The following MLXIPL variants were observed in gnomAD, a reference collection of about 807,000 sequenced individuals.
MLXIPL encodes the protein MLX interacting protein like.
A neutral mutation model predicts 81.5 loss-of-function variants in MLXIPL; 49 were observed. The ratio of observed to expected loss-of-function variants is 0.60; its 90% CI spans 0.48 to 0.76. MLXIPL has a LOEUF of 0.76. Ranked by LOEUF, MLXIPL falls within the 30% of genes least tolerant of loss-of-function variation. MLXIPL has a pLI of 0.00. For synonymous variants in MLXIPL, 466 were observed against 485.5 expected, an observed-to-expected ratio of 0.96 and a Z score of 0.53; for missense variants, 1,053 against 1,167.0, an observed-to-expected ratio of 0.90 and a Z score of 1.42.
At chr7:73,642,777 T>C in the MLXIPL span, among the ~76,000 whole-genome samples, 5 of 152,236 alleles carry the variant, frequency 3.3e-5, no homozygotes, top group African/African-American at 1.2e-4. Flanking sequence ...ATTATAGGCG[T>C]GAGCCACCTT....
At position 73,607,658 on chromosome 7, in the gene MLXIPL, T is replaced by C. The variant is rs1038903843; in HGVS notation, c.415A>G (p.Lys139Glu). ...GTCACGAAGCCACACACGGGGCTCT[T>C]CCTCCGCTTCACATCTGAGAGAAGG... is the stretch of plus-strand genomic sequence containing the variant. ...AWYIQYVKRR[K>E]SPVCGFVTPL... The change falls in exon 3 of 17, where the codon AAG (lysine) becomes GAG (glutamate). Residue 139 changes from lysine to glutamate, a missense_variant. Physicochemically the swap from Lys to Glu is moderately conservative, Grantham distance 56. Transcript: ENST00000313375. 25 of 1,613,100 alleles carry C rather than the reference T, an allele frequency of 1.5e-5. 1 individual carries two copies. The highest frequency in any genetic ancestry group is 1.2e-4 in the Admixed American group (7 of 59,970).
intron 4 of MLXIPL, 142 bp from the exon 5 acceptor site, chr7:73,607,160 T>C: frequency 1.6e-6 from 2 of 1,282,152 alleles, no homozygotes; most frequent in South Asian, 1.3e-5. Context: ...AGGAGGCCGC[T>C]AGGAGACGCT....
upstream of MLXIPL, among the ~76,000 whole-genome samples, chr7:73,626,600 G>C (rs1796760466): frequency 1.3e-5 from 2 of 152,240 alleles, no homozygotes; most frequent in South Asian, 4.1e-4. Flanking sequence ...AAACCAGACT[G>C]AGGCATTCAC....
At chr7:73,595,164 C>G (rs1794172809) in intron 15 of MLXIPL, among the ~76,000 whole-genome samples, 1 of 152,070 alleles carries the variant, frequency 6.6e-6, no homozygotes, top group Non-Finnish European at 1.5e-5. Context: ...CTACTTCTGT[C>G]CTGCCAAGAC....
the MLXIPL span, among the ~76,000 whole-genome samples, chr7:73,636,303 A>G: frequency 6.6e-6 from 1 of 151,848 alleles, no homozygotes; most frequent in Non-Finnish European, 1.5e-5. Context: ...CCACCTACTC[A>G]GGAGGCTGAG....
the MLXIPL span, among the ~76,000 whole-genome samples, chr7:73,644,776 C>T: frequency 2.0e-5 from 3 of 152,156 alleles, no homozygotes; most frequent in Admixed American, 6.5e-5. Context: ...GGATGGAAAA[C>T]GCTTCTCAGA....
At position 73,599,703 on chromosome 7, in the gene MLXIPL, T is replaced by A. The variant is rs1794633184; in HGVS notation, c.902-8A>T. ...GGGAGTTGGTAAAGAAATCTGTAAT[T>A]CAGACACACAGGGCAACAGCAGTTA... On this transcript the variant is annotated splice_polypyrimidine_tract_variant and splice_region_variant and intron_variant, in intron 7 of 16. Transcript: ENST00000313375. The A allele has an allele frequency of 2.5e-6, 4 of 1,601,966 alleles. No individual in the cohort carries two copies. In the East Asian group the frequency reaches 8.9e-5, roughly 36 times the overall value.
intron 7 of MLXIPL, among the ~76,000 whole-genome samples, chr7:73,604,018 C>T (rs1198876490): frequency 6.6e-6 from 1 of 151,656 alleles, no homozygotes; most frequent in African/African-American, 2.4e-5. Flanking sequence ...GAGTTCAAAA[C>T]CAGCCTGGCC....
At chr7:73,607,565 G>T (rs1329748644) in intron 3 of MLXIPL, 25 bp downstream of exon 3, 6 of 1,610,256 alleles carry the variant, frequency 3.7e-6, no homozygotes, top group Non-Finnish European at 4.2e-6. Context: ...TGGGCAGGTG[G>T]GCAGGCGGTC....
At chr7:73,610,668 T>G (rs1795633084) in intron 2 of MLXIPL, 1 of 152,046 alleles carries the variant, frequency 6.6e-6, no homozygotes, top group Non-Finnish European at 1.5e-5. Context: ...AGAGACAGGG[T>G]TTCGCCATGT....
rs868964046 is a variant in MLXIPL at position 73,597,366 on chromosome 7, C to T, written c.1419G>A (p.Glu473=). 1.4e-6 allele frequency: 2 copies of T among 1,420,112 alleles called. No homozygotes were observed. Among genetic ancestry groups the T allele is most frequent in the East Asian group, 5.1e-5 (2 of 39,074 alleles). The allele number at this position is 1,420,112 out of a possible 1,614,324, so 88.0% of individuals were successfully genotyped here. A position where few individuals can be genotyped will look rare whatever the true frequency, so the allele number is the denominator to read the frequency against. ...GCTCCGAATACCCCAAGGGTAGAAG[C>T]TCTATGGGGAAGGGGGTGGGGGCTG... ...PSPAPTPFPI[E]LLPLGYSEPA... Residue 473 remains glutamate (E), a synonymous_variant, in exon 9 of 17, where the codon GAG becomes GAA. Coordinates refer to ENST00000313375, the MANE Select transcript of MLXIPL (RefSeq NM_032951.3).
At chr7:73,616,041 C>A (rs1171394615) in intron 2 of MLXIPL, 30 bp downstream of exon 2, 2 of 1,588,814 alleles carry the variant, frequency 1.3e-6, no homozygotes, top group Non-Finnish European at 1.7e-6. Flanking sequence ...CAGTCCCTCC[C>A]GGCTTGGGAG....
At chr7:73,607,693 C>G in intron 2 of MLXIPL, 21 bp from the exon 3 acceptor site, 2 of 1,607,824 alleles carry the variant, frequency 1.2e-6, no homozygotes, top group Non-Finnish European at 1.7e-6. Context: ...GGGGCCAGGT[C>G]AGGGGCACCC....
intron 8 of MLXIPL, 73 bp from the exon 9 acceptor site, chr7:73,597,786 C>CT: frequency 8.5e-7 from 1 of 1,182,720 alleles, no homozygotes; most frequent in South Asian, 3.3e-5. Flanking sequence ...TGGGCCTCCC[C>CT]TGCCCTGCCT....
intron 1 of MLXIPL, among the ~76,000 whole-genome samples, chr7:73,620,274 C>T (rs1244435880): frequency 2.0e-5 from 3 of 148,606 alleles, no homozygotes; most frequent in East Asian, 2.0e-4. Flanking sequence ...CATGGTGGTG[C>T]GTGCCTGTAA....
At position 73,593,908 on chromosome 7, in the gene MLXIPL, G is replaced by T; in HGVS notation, c.2516C>A (p.Ala839Asp). The T allele has an allele frequency of 6.2e-7, 1 of 1,614,156 alleles. No homozygotes were observed. Reference sequence around the variant, plus strand: ...GGTGCCCTCTGTGACTGCCCGTGTGGCTTGCTCAGGGATGCGGCCCGGGTC... The same window carrying T: ...GGTGCCCTCTGTGACTGCCCGTGTGTCTTGCTCAGGGATGCGGCCCGGGTC... ...LTDPGRIPEQATRAVTEGTLG... is the reference protein window; with the variant it reads ...LTDPGRIPEQDTRAVTEGTLG... The change falls in exon 17 of 17, where the codon GCC becomes GAC. Residue 839 changes from alanine to aspartate, a missense_variant. Coordinates refer to ENST00000313375, the MANE Select transcript of MLXIPL (RefSeq NM_032951.3).
chr7:73,618,040 G>A (rs1211038523), intron 1 of MLXIPL, among the ~76,000 whole-genome samples: 22 of 152,212 alleles, frequency 1.4e-4, no homozygotes, highest in African/African-American at 4.6e-4. Flanking sequence ...CCTCTAGCCC[G>A]CCTTTTGCAT....
chr7:73,645,396 CTTCCCTTG>C, the MLXIPL span, among the ~76,000 whole-genome samples: 1 of 152,124 alleles, frequency 6.6e-6, no homozygotes, highest in African/African-American at 2.4e-5. Flanking sequence ...TCTGTTCACT[CTTCCCTTG>C]TTGGGGGCCC....
chr7:73,608,871 G>C (rs570994611), intron 2 of MLXIPL, among the ~76,000 whole-genome samples: 33 of 152,172 alleles, frequency 2.2e-4, no homozygotes, highest in Non-Finnish European at 4.3e-4. Flanking sequence ...CTGTTGCCCA[G>C]GCCAGAGTGC....
Sources: gnomAD v4.1 joint callset for allele counts (sites outside exome capture counted in the v4.1 genomes callset) on GRCh38, gnomAD v4.1.1 for gene constraint, MANE v1.5 for transcripts, NCBI Gene and HGNC (gene_info 2026-07-23, HGNC 2026-07-21) for gene names.